Variants in GTPBP10 observed in about 807,000 individuals in gnomAD.
The protein encoded by GTPBP10 is GTP binding protein 10.
A neutral mutation model predicts 44.8 loss-of-function variants in GTPBP10; 38 were observed. That is an observed-to-expected ratio of 0.85 (90% CI 0.65 to 1.11). The LOEUF is 1.11. Among genes scored for constraint, GTPBP10 ranks in the 50% most tolerant of loss-of-function variants. The pLI, the probability that GTPBP10 is intolerant of heterozygous loss-of-function variation, is 0.00. For synonymous variants in GTPBP10, 152 were observed against 150.6 expected (o/e 1.01, Z -0.07); for missense variants, 462 against 453.7 (o/e 1.02, Z -0.17).
At chr7:90,346,800 TC>T in intron 1 of GTPBP10, 26 bp downstream of exon 1, 5 of 1,612,048 alleles carry the variant, frequency 3.1e-6, no homozygotes, top group Non-Finnish European at 4.2e-6. Flanking sequence ...CTCAGCCTGG[TC>T]CCCTTAGCGC....
chr7:90,355,481 TAAAG>T (rs1303452650), intron 4 of GTPBP10, among the ~76,000 whole-genome samples: 1 of 151,950 alleles, frequency 6.6e-6, no homozygotes. Flanking sequence ...AGAGAATGCA[TAAAG>T]AAAGAAAAAT....
chr7:90,374,270 T>C, intron 5 of GTPBP10, 32 bp from the exon 6 acceptor site: 1 of 1,456,806 alleles, frequency 6.9e-7, no homozygotes, highest in Non-Finnish European at 9.6e-7. Flanking sequence ...AAATAAATTC[T>C]AGCCTTAATT....
intron 8 of GTPBP10, among the ~76,000 whole-genome samples, chr7:90,382,000 A>AT (rs559649170): frequency 4.0e-4 from 61 of 151,502 alleles, no homozygotes; most frequent in African/African-American, 1.2e-3. Flanking sequence ...CTGAGCAATG[A>AT]TTTTTTTTTA....
intron 1 of GTPBP10, among the ~76,000 whole-genome samples, chr7:90,351,191 C>T (rs1329779348): frequency 6.6e-6 from 1 of 152,162 alleles, no homozygotes; most frequent in Non-Finnish European, 1.5e-5. Flanking sequence ...TTTAATACTG[C>T]ATTTTTACAT....
intron 4 of GTPBP10, among the ~76,000 whole-genome samples, chr7:90,370,446 G>C (rs1339144954): frequency 6.6e-6 from 1 of 151,856 alleles, no homozygotes; most frequent in African/African-American, 2.4e-5. Context: ...CTCAGGAACG[G>C]AAATCCAAGT....
chr7:90,384,705 A>G (rs1386745007), intron 9 of GTPBP10, among the ~76,000 whole-genome samples, 187 bp from the exon 10 acceptor site: 1 of 152,054 alleles, frequency 6.6e-6, no homozygotes, highest in Non-Finnish European at 1.5e-5. Flanking sequence ...CAAGTATGTT[A>G]TGTGCCAAGA....
intron 4 of GTPBP10, among the ~76,000 whole-genome samples, chr7:90,364,422 A>G (rs2115682229): frequency 6.6e-6 from 1 of 152,280 alleles, no homozygotes; most frequent in South Asian, 2.1e-4. Context: ...TTGCCTGGGT[A>G]TCAGCAGCAG....
At chr7:90,362,387 T>A (rs1160684926) in intron 4 of GTPBP10, among the ~76,000 whole-genome samples, 1 of 152,188 alleles carries the variant, frequency 6.6e-6, no homozygotes, top group African/African-American at 2.4e-5. Flanking sequence ...CATTTCGTTA[T>A]GTACCCAGTA....
chr7:90,363,381 C>T (rs1359590805), intron 4 of GTPBP10, among the ~76,000 whole-genome samples: 1 of 152,152 alleles, frequency 6.6e-6, no homozygotes, highest in Admixed American at 6.5e-5. Context: ...TTTTATTTCT[C>T]CTTCACTTAT....
At chr7:90,346,892 T>A in intron 1 of GTPBP10, 118 bp downstream of exon 1, 2 of 1,121,158 alleles carry the variant, frequency 1.8e-6, no homozygotes, top group Non-Finnish European at 2.7e-6. Context: ...GGTTTTCCCA[T>A]AGACTTCTCC....
intron 1 of GTPBP10, among the ~76,000 whole-genome samples, chr7:90,351,508 C>G (rs2115600509): frequency 6.6e-6 from 1 of 152,306 alleles, no homozygotes; most frequent in South Asian, 2.1e-4. Flanking sequence ...TCATAACACA[C>G]AGCTTTTCTT....
chr7:90,360,813 G>A (rs775666065), intron 4 of GTPBP10, among the ~76,000 whole-genome samples: 18 of 152,018 alleles, frequency 1.2e-4, no homozygotes, highest in East Asian at 3.9e-4. Flanking sequence ...CTTTTATTTC[G>A]TTGAGCAGTG....
chr7:90,377,330 T>G (rs1796357876), intron 6 of GTPBP10, among the ~76,000 whole-genome samples, 177 bp from the exon 7 acceptor site: 1 of 152,218 alleles, frequency 6.6e-6, no homozygotes, highest in Non-Finnish European at 1.5e-5. Context: ...ATAACAAAAT[T>G]TTAATTCTTA....
intron 4 of GTPBP10, among the ~76,000 whole-genome samples, chr7:90,357,971 A>G (rs1028467149): frequency 2.0e-5 from 3 of 152,188 alleles, no homozygotes; most frequent in Admixed American, 6.5e-5. Context: ...AAGGGCATTC[A>G]AATTGGAAAG....
chr7:90,369,361 A>G (rs909130797), intron 4 of GTPBP10, among the ~76,000 whole-genome samples: 2 of 152,174 alleles, frequency 1.3e-5, no homozygotes, highest in African/African-American at 4.8e-5. Flanking sequence ...GGTCTGCCAA[A>G]GCTGTCTGCT....
Position 90,367,234 on chromosome 7 carries a change from G to A in GTPBP10, c.465-4921G>A, listed in dbSNP as rs994910361. 9.4e-4 allele frequency among the ~76,000 whole-genome samples: 143 copies of A among 152,128 alleles called. 13 individuals carry two copies. The highest frequency in any genetic ancestry group is 5.9e-5 in the Non-Finnish European group (4 of 68,010). ...ATATGGTCAATTTTAGAATAAGTAC[G>A]ATATGCTGAGAAGAATATATATTCT... is the stretch of plus-strand genomic sequence containing the variant. On this transcript the variant is annotated intron_variant, in intron 4 of 9. Transcript: ENST00000222511.
At chr7:90,367,047 C>G (rs1196469343) in intron 4 of GTPBP10, among the ~76,000 whole-genome samples, 1 of 152,116 alleles carries the variant, frequency 6.6e-6, no homozygotes, top group Non-Finnish European at 1.5e-5. Context: ...GTTATGTACC[C>G]AGTAGTCATT....
intron 6 of GTPBP10, 59 bp downstream of exon 6, chr7:90,374,413 G>A (rs75925842): frequency 1.5e-5 from 16 of 1,070,580 alleles, no homozygotes; most frequent in South Asian, 1.1e-4. Context: ...GTTTTGGTAC[G>A]TACTTGGATA....
rs137995301 is a variant in GTPBP10 at position 90,346,749 on chromosome 7, A to T, written c.8A>T (p.His3Leu). 1 of 1,614,218 alleles carries T rather than the reference A, an allele frequency of 6.2e-7. No individual in the cohort carries two copies. Among genetic ancestry groups the T allele is most frequent in the South Asian group, 1.1e-5 (1 of 91,086 alleles). MV[H>L]CSCVLFRKYG... The stretch of plus-strand genomic sequence containing the variant: ...TCCTGGCCTGTTGCAGCCATGGTGC[A>T]TTGCAGTTGCGTGTTGTTCAGAAAG... The change falls in exon 1 of 10, where the codon CAT becomes CTT. Residue 3 changes from histidine to leucine, a missense_variant. Coordinates refer to ENST00000222511, the MANE Select transcript of GTPBP10 (RefSeq NM_033107.4).
Sources: allele counts gnomAD v4.1 joint callset (sites outside exome capture counted in the v4.1 genomes callset), GRCh38; gene constraint gnomAD v4.1.1; transcripts MANE v1.5; gene names NCBI Gene and HGNC (gene_info 2026-07-23, HGNC 2026-07-21).